Variants in TENM1 observed in about 807,000 individuals in gnomAD.
TENM1 encodes teneurin transmembrane protein 1, also known as teneurin-1.
Under a neutral mutation model 174.8 loss-of-function variants are expected in TENM1, and 35 were observed. The ratio of observed to expected loss-of-function variants is 0.20; its 90% CI spans 0.15 to 0.27. The LOEUF is 0.27. TENM1 is among the 10% of genes least tolerant of loss of function. TENM1 has a pLI of 1.00. For synonymous variants in TENM1, 781 were observed against 798.7 expected (o/e 0.98, Z 0.37); for missense variants, 1,633 against 2,130.1 (o/e 0.77, Z 4.59).
intron 20 of TENM1, among the ~76,000 whole-genome samples, chrX:124,494,343 T>C (rs1435819976): frequency 1.8e-5 from 2 of 111,003 alleles, no homozygotes; most frequent in Non-Finnish European, 3.8e-5. Context: ...CTAGATCTTC[T>C]GAACATAGAG....
chrX:124,613,401 C>CA lies in TENM1; in HGVS notation c.2077+28389dup, dbSNP rs3216398. On this transcript the variant is annotated intron_variant, in intron 11 of 31. Transcript: ENST00000422452. The stretch of plus-strand genomic sequence containing the variant: ...ATGTAAACCAAAATTATTCTGAATA[C>CA]AAAAAAAAAAGGAAGAACAGAATGG... Among the ~76,000 whole-genome samples, 180 of 101,082 alleles carry CA rather than the reference C, an allele frequency of 1.8e-3. 1 individual carries two copies. Among genetic ancestry groups the CA allele is most frequent in the African/African-American group, 4.0e-3 (111 of 27,848 alleles). The allele number at this position is 101,082 out of a possible 115,157, so 87.8% of individuals were successfully genotyped here.
the TENM1 span, among the ~76,000 whole-genome samples, chrX:125,158,351 C>A: frequency 2.2e-5 from 2 of 90,412 alleles, no homozygotes; most frequent in African/African-American, 4.3e-5. Context: ...TGCAGTGAGC[C>A]AAGATCATGC....
the TENM1 span, among the ~76,000 whole-genome samples, chrX:125,193,180 T>C: frequency 9.0e-6 from 1 of 111,356 alleles, no homozygotes; most frequent in East Asian, 2.8e-4. Flanking sequence ...AAATGCAGTG[T>C]TTCTCAATAT....
intron 1 of TENM1, among the ~76,000 whole-genome samples, chrX:124,928,411 C>T (rs748637008): frequency 1.8e-5 from 2 of 111,792 alleles, no homozygotes; most frequent in South Asian, 7.4e-4. Context: ...TTTGTGAGCT[C>T]GGTCTAATAA....
chrX:124,384,654 C>A lies in TENM1; in HGVS notation c.6277G>T (p.Asp2093Tyr), dbSNP rs762268970. The A allele has an allele frequency of 4.1e-6, 5 of 1,209,757 alleles. No homozygotes were observed. Among genetic ancestry groups the A allele is most frequent in the Non-Finnish European group, 5.6e-6 (5 of 894,001 alleles). Residue 2093 changes from aspartate to tyrosine, a missense_variant, in exon 30 of 32, where the codon GAT (aspartate) becomes TAT (tyrosine). Around this residue, in one of 4 missense-constraint regions of TENM1, gnomAD observed 807 missense variants for 1,125.3 expected, o/e 0.72. Transcript: ENST00000422452. The stretch of plus-strand genomic sequence containing the variant: ...GTAGTAGTTATGACCTGATTTAAAT[C>A]GTAATTAATTACACTGAATTTTCCA...
rs201991337 is a variant in TENM1, at chrX:124,770,710, A to AT, written c.536-33514dup. On this transcript the variant is annotated intron_variant, in intron 3 of 31. Transcript: ENST00000422452. ...AGGCGTGAACCACTGCACCCAGACC[A>AT]TTTTTTTTTTTTTTTACTTGACAAT... Among the ~76,000 whole-genome samples the AT allele has an allele frequency of 8.4e-3, 833 of 98,635 alleles. 11 individuals carry two copies. The highest frequency in any genetic ancestry group is 0.024 in the African/African-American group (662 of 27,122). 85.7% of individuals were successfully genotyped at this position (98,635 alleles called of 115,157 possible).
At chrX:124,777,709 G>A in intron 3 of TENM1, among the ~76,000 whole-genome samples, 1 of 112,314 alleles carries the variant, frequency 8.9e-6, no homozygotes, top group East Asian at 2.8e-4. Flanking sequence ...TACCTTTCCT[G>A]ATGATAATTA....
the TENM1 span, among the ~76,000 whole-genome samples, chrX:125,185,829 T>C: frequency 8.9e-6 from 1 of 111,973 alleles, no homozygotes; most frequent in African/African-American, 3.2e-5. Context: ...GAGATGAGGG[T>C]TGTGAATATA....
At chrX:124,376,946 T>C (rs1418318755) in exon 32 of TENM1, 1 of 110,100 alleles carries the variant, frequency 9.1e-6, no homozygotes, top group Non-Finnish European at 1.9e-5. Flanking sequence ...AAGCTATATA[T>C]AATATGCTCC....
chrX:124,449,281 C>T (rs1199243314), intron 23 of TENM1, among the ~76,000 whole-genome samples: 2 of 111,695 alleles, frequency 1.8e-5, no homozygotes, highest in Non-Finnish European at 3.8e-5. Context: ...GAATGAAATG[C>T]CATAGAGAAA....
At chrX:124,456,964 A>G (rs1449931521) in intron 22 of TENM1, among the ~76,000 whole-genome samples, 1 of 111,971 alleles carries the variant, frequency 8.9e-6, no homozygotes, top group African/African-American at 3.3e-5. Flanking sequence ...TTTAAACTGT[A>G]CTAAGAAAAC....
intron 11 of TENM1, among the ~76,000 whole-genome samples, chrX:124,634,533 T>C (rs1379069183): frequency 9.0e-6 from 1 of 111,240 alleles, no homozygotes; most frequent in Non-Finnish European, 1.9e-5. Context: ...GTTATCCTCA[T>C]GGTGTTTGCA....
chrX:124,631,432 G>A (rs886838494), intron 11 of TENM1, among the ~76,000 whole-genome samples: 1 of 111,212 alleles, frequency 9.0e-6, no homozygotes, highest in African/African-American at 3.3e-5. Context: ...GTAAGAAAAA[G>A]GAGTAAAGGA....
At chrX:124,497,183 G>C (rs1234261759) in exon 20 of TENM1, 1 of 1,209,299 alleles carries the variant, frequency 8.3e-7, no homozygotes, top group Admixed American at 2.2e-5. Context: ...CACTCCTTTG[G>C]TGTCCATTAC....
At position 124,811,413 on chromosome X, in the gene TENM1, T is replaced by C. The variant is rs989398239; in HGVS notation, c.536-74216A>G. Among the ~76,000 whole-genome samples the C allele has an allele frequency of 1.7e-4, 19 of 111,667 alleles. No individual in the cohort carries two copies. The Admixed American group carries it at 1.7e-3, about 10-fold the overall frequency. ...AATGGCCAACAAGTATATAGCAAGA[T>C]GCTGAACATCACTAATCATCAGGGA... On this transcript the variant is annotated intron_variant, in intron 3 of 31. Transcript: ENST00000422452.
At chrX:124,578,774 T>C (rs1203625837) in intron 11 of TENM1, among the ~76,000 whole-genome samples, 1 of 111,717 alleles carries the variant, frequency 9.0e-6, no homozygotes, top group Non-Finnish European at 1.9e-5. Flanking sequence ...AACAACAGAA[T>C]CTTAGGGCTT....
intron 3 of TENM1, among the ~76,000 whole-genome samples, chrX:124,760,849 G>GA (rs1182534293): frequency 9.0e-6 from 1 of 111,107 alleles, no homozygotes; most frequent in Non-Finnish European, 1.9e-5. Flanking sequence ...AAATTTACAA[G>GA]AAAAAAATCA....
intron 11 of TENM1, among the ~76,000 whole-genome samples, chrX:124,613,009 AATTCCATCCTATGG>A (rs1162857440): frequency 4.5e-5 from 5 of 111,255 alleles, no homozygotes; most frequent in African/African-American, 1.6e-4. Flanking sequence ...AATCCACATT[AATTCCATCCTATGG>A]ATGGAACGTT....
intron 4 of TENM1, among the ~76,000 whole-genome samples, chrX:124,705,634 C>A (rs2052883673): frequency 9.0e-6 from 1 of 111,524 alleles, no homozygotes; most frequent in South Asian, 3.8e-4. Flanking sequence ...ATGGCCTAGA[C>A]ACCAGTGTTT....
Sources: gnomAD v4.1 joint callset for allele counts (sites outside exome capture counted in the v4.1 genomes callset) on GRCh38, gnomAD v4.1.1 for gene constraint, gnomAD v4.1.1 regional missense constraint, MANE v1.5 for transcripts, NCBI Gene and HGNC (gene_info 2026-07-23, HGNC 2026-07-21) for gene names.